The following LZTS1 variants were observed in gnomAD, a reference collection of about 807,000 sequenced individuals.
LZTS1 encodes leucine zipper putative tumor suppressor 1.
LZTS1 carries 31 observed loss-of-function variants against 45.8 expected under a neutral mutation model. The observed-to-expected ratio is 0.68, with a 90% CI of 0.51 to 0.91. LZTS1 has a LOEUF of 0.91. LZTS1 is among the 40% of genes least tolerant of loss of function. The probability of loss-of-function intolerance (pLI) is 0.00; values close to 1 mark genes in which losing one functional copy is unlikely to be tolerated. For synonymous variants in LZTS1, 359 were observed against 357.3 expected (o/e 1.00, Z -0.05); for missense variants, 821 against 788.9 (o/e 1.04, Z -0.49).
At chr8:20,265,635 T>A in intron 1 of LZTS1, among the ~76,000 whole-genome samples, 1 of 119,656 alleles carries the variant, frequency 8.4e-6, no homozygotes, top group Non-Finnish European at 1.6e-5. Flanking sequence ...GCTATGATCA[T>A]GCCACTGCAC....
Position 20,249,055 on chromosome 8 carries a change from C to T in LZTS1, c.*667G>A, listed in dbSNP as rs1438647276. 3.9e-5 allele frequency: 6 copies of T among 153,114 alleles called. No individual in the cohort carries two copies. The highest frequency in any genetic ancestry group is 7.2e-5 in the African/African-American group (3 of 41,430). 9.5% of individuals were successfully genotyped at this position (153,114 alleles called of 1,614,324 possible). A position where few individuals can be genotyped will look rare whatever the true frequency, so the allele number is the denominator to read the frequency against. ...ACAGGGGCTGGGCCCCAGGGGCTGGCCATCACCCGCCACTGGCTCTCAACC... is the reference window on the plus strand; with the variant it reads ...ACAGGGGCTGGGCCCCAGGGGCTGGTCATCACCCGCCACTGGCTCTCAACC... On this transcript the variant is annotated 3_prime_UTR_variant, in exon 4 of 4. Transcript: ENST00000381569.
chr8:20,291,702 C>A (rs1171088861), intron 1 of LZTS1, among the ~76,000 whole-genome samples: 7 of 145,102 alleles, frequency 4.8e-5, no homozygotes, highest in Non-Finnish European at 7.5e-5. Context: ...TTCTTCACGG[C>A]ACCAATTACC....
intron 1 of LZTS1, among the ~76,000 whole-genome samples, chr8:20,258,683 A>T (rs1800161375): frequency 1.3e-5 from 2 of 152,220 alleles, no homozygotes; most frequent in African/African-American, 4.8e-5. Context: ...CCATAAGATA[A>T]CAGCTCTGGA....
At chr8:20,270,911 G>T (rs1474924679) in intron 1 of LZTS1, among the ~76,000 whole-genome samples, 1 of 151,814 alleles carries the variant, frequency 6.6e-6, no homozygotes, top group Non-Finnish European at 1.5e-5. Context: ...ACCCAGAAAG[G>T]ATTGGAATTG....
Position 20,255,119 on chromosome 8 carries a change from C to T in LZTS1, c.63G>A (p.Ser21=), listed in dbSNP as rs771887769. 5.0e-6 allele frequency: 8 copies of T among 1,614,018 alleles called. No homozygotes were observed. Among genetic ancestry groups the T allele is most frequent in the South Asian group, 3.3e-5 (3 of 91,084 alleles). Residue 21 remains serine (S), a synonymous_variant, in exon 2 of 4, where the codon TCG becomes TCA. Transcript: ENST00000381569. The stretch of plus-strand genomic sequence containing the variant: ...GGGAGGACTTGCGCAGCTTGTACTG[C>T]GAAGCCCGGCAGTGCTTGCTGTGGA... ...HSFHSKHCRA[S]QYKLRKSSHL...
chr8:20,250,385 C>A, intron 3 of LZTS1, 22 bp from the exon 4 acceptor site: 1 of 1,567,708 alleles, frequency 6.4e-7, no homozygotes, highest in South Asian at 1.2e-5. Context: ...GGGGTGGAGA[C>A]AGAGTGCCAA....
chr8:20,289,015 T>A (rs975311019), intron 1 of LZTS1, among the ~76,000 whole-genome samples: 8 of 124,896 alleles, frequency 6.4e-5, no homozygotes, highest in Non-Finnish European at 9.7e-5. Context: ...TTTAGACATA[T>A]GGGACTTGGT....
chr8:20,272,039 T>C (rs548687162), intron 1 of LZTS1, among the ~76,000 whole-genome samples: 1 of 152,348 alleles, frequency 6.6e-6, no homozygotes, highest in South Asian at 2.1e-4. Context: ...CAAGTACTTA[T>C]TGAACATTTA....
chr8:20,246,171 G>A lies in LZTS1; in HGVS notation c.*3551C>T, dbSNP rs2069426001. The A allele has an allele frequency of 6.6e-6, 1 of 152,666 alleles. No individual in the cohort carries two copies. The highest frequency in any genetic ancestry group is 2.4e-5 in the African/African-American group (1 of 41,456). The allele number at this position is 152,666 out of a possible 1,614,324, so 9.5% of individuals were successfully genotyped here. A position where few individuals can be genotyped will look rare whatever the true frequency, so the allele number is the denominator to read the frequency against. ...GGGCAGATACACGTGGCTCTAGAGG[G>A]CGTGAGAAATGGCATTCTTTATTCA... On this transcript the variant is annotated 3_prime_UTR_variant, in exon 4 of 4. Coordinates refer to ENST00000381569, the MANE Select transcript of LZTS1 (RefSeq NM_021020.5).
intron 1 of LZTS1, among the ~76,000 whole-genome samples, chr8:20,300,901 C>G (rs1387707039): frequency 6.6e-6 from 1 of 152,066 alleles, no homozygotes; most frequent in Non-Finnish European, 1.5e-5. Flanking sequence ...CAGCAGATCA[C>G]TTGAGGTCAG....
At chr8:20,271,470 G>A (rs542421135) in intron 1 of LZTS1, among the ~76,000 whole-genome samples, 18 of 152,296 alleles carry the variant, frequency 1.2e-4, no homozygotes, top group African/African-American at 4.3e-4. Context: ...AACCTTCCTG[G>A]TGAGTGTTAC....
chr8:20,278,194 G>C (rs1207918172), intron 1 of LZTS1, among the ~76,000 whole-genome samples: 1 of 152,190 alleles, frequency 6.6e-6, no homozygotes, highest in Non-Finnish European at 1.5e-5. Context: ...GCAGCTTCCT[G>C]ATAAGATCTC....
intron 1 of LZTS1, among the ~76,000 whole-genome samples, chr8:20,259,985 T>G (rs1563866439): frequency 2.0e-5 from 3 of 152,220 alleles, no homozygotes. Context: ...CACTGCAGCC[T>G]CCAGCTGCTG....
intron 1 of LZTS1, among the ~76,000 whole-genome samples, chr8:20,261,714 A>C (rs1800234014): frequency 6.6e-6 from 1 of 152,254 alleles, no homozygotes; most frequent in African/African-American, 2.4e-5. Flanking sequence ...TCTCATCCCA[A>C]ACCAACAGTC....
At chr8:20,251,149 A>G (rs1167880933) in intron 3 of LZTS1, among the ~76,000 whole-genome samples, 1 of 100,236 alleles carries the variant, frequency 1.0e-5, no homozygotes, top group African/African-American at 3.5e-5. Context: ...ATATATATAT[A>G]AAATATAAAG....
intron 1 of LZTS1, among the ~76,000 whole-genome samples, chr8:20,262,631 G>C (rs1326092259): frequency 6.6e-6 from 1 of 152,198 alleles, no homozygotes; most frequent in Non-Finnish European, 1.5e-5. Context: ...AGGTCTGTAT[G>C]AACTTGGGCT....
At chr8:20,302,340 A>G (rs1175072177) in intron 1 of LZTS1, among the ~76,000 whole-genome samples, 2 of 151,852 alleles carry the variant, frequency 1.3e-5, no homozygotes, top group African/African-American at 4.8e-5. Context: ...GTTCCACTCC[A>G]CTCTTAAACA....
At chr8:20,259,876 G>GT (rs1203847002) in intron 1 of LZTS1, among the ~76,000 whole-genome samples, 4,380 of 152,112 alleles carry the variant, frequency 0.029, 95 homozygotes, top group South Asian at 0.057. Flanking sequence ...GCTCTCACCT[G>GT]TACTAATCTT....
intron 1 of LZTS1, among the ~76,000 whole-genome samples, chr8:20,266,808 G>A (rs1337948941): frequency 2.6e-5 from 4 of 152,042 alleles, no homozygotes; most frequent in Non-Finnish European, 5.9e-5. Context: ...TAGGAAAGGA[G>A]GTGAAAGTTA....
Sources: gnomAD v4.1 joint callset for allele counts (sites outside exome capture counted in the v4.1 genomes callset) on GRCh38, gnomAD v4.1.1 for gene constraint, MANE v1.5 for transcripts, NCBI Gene and HGNC (gene_info 2026-07-23, HGNC 2026-07-21) for gene names.